PTPN21: variants seen among roughly 807,000 people sequenced by gnomAD.
PTPN21 encodes protein tyrosine phosphatase non-receptor type 21.
In PTPN21, 77 loss-of-function variants were observed where a neutral mutation model predicts 131.8. The observed-to-expected ratio is 0.58, with a 90% CI of 0.49 to 0.71. The LOEUF (loss-of-function observed/expected upper bound fraction) is 0.71, where lower values mean the gene tolerates loss of function less well. PTPN21 is among the 30% of genes least tolerant of loss of function. PTPN21 has a pLI of 0.00. For missense variants in PTPN21, 1,552 were observed against 1,527.1 expected, an observed-to-expected ratio of 1.02 and a Z score of -0.27; for synonymous variants, 715 against 621.3, an observed-to-expected ratio of 1.15 and a Z score of -2.24.
chr14:88,503,211 A>C (rs1214835481), intron 6 of PTPN21, among the ~76,000 whole-genome samples: 1 of 151,764 alleles, frequency 6.6e-6, no homozygotes, highest in Non-Finnish European at 1.5e-5. Context: ...AATTTTTTGT[A>C]TTTTAGTGGA....
chr14:88,512,168 C>A (rs2078196587), intron 3 of PTPN21: 1 of 152,274 alleles, frequency 6.6e-6, no homozygotes, highest in Non-Finnish European at 1.5e-5. Flanking sequence ...GCCCCCTCCA[C>A]CGCCAGTGTT....
At chr14:88,545,365 C>T (rs183476545) in intron 2 of PTPN21, among the ~76,000 whole-genome samples, 225 of 152,276 alleles carry the variant, frequency 1.5e-3, no homozygotes, top group Admixed American at 2.9e-3. Flanking sequence ...ATCAGGTCTT[C>T]CCATGACATG....
intron 2 of PTPN21, among the ~76,000 whole-genome samples, chr14:88,536,730 T>C (rs932889008): frequency 1.3e-5 from 2 of 152,222 alleles, no homozygotes; most frequent in African/African-American, 4.8e-5. Context: ...CACTGATGCA[T>C]TGGGTTGATA....
intron 1 of PTPN21, chr14:88,551,141 G>C (rs1426880883): frequency 6.6e-6 from 1 of 152,202 alleles, no homozygotes; most frequent in African/African-American, 2.4e-5. Context: ...ACCCGGTGAG[G>C]TGCCTAACAA....
chr14:88,539,578 T>C (rs1566851605), intron 2 of PTPN21, among the ~76,000 whole-genome samples: 2 of 152,040 alleles, frequency 1.3e-5, no homozygotes, highest in Non-Finnish European at 2.9e-5. Context: ...TTAAAGTAAA[T>C]AGACAATATC....
Position 88,467,536 on chromosome 14 carries a change from T to C in PTPN21, c.*601A>G, listed in dbSNP as rs765033067. The C allele has an allele frequency of 3.3e-5, 5 of 152,254 alleles. No homozygotes were observed. The highest frequency in any genetic ancestry group is 5.9e-5 in the Non-Finnish European group (4 of 68,070). 9.4% of individuals were successfully genotyped at this position (152,254 alleles called of 1,614,324 possible). On this transcript the variant is annotated 3_prime_UTR_variant, in exon 19 of 19. Transcript: ENST00000556564. The stretch of plus-strand genomic sequence containing the variant: ...AAAAATGTTCTGGATAGAAAAATCC[T>C]TTTGATGTTTCAAAATAACACAGAT...
At chr14:88,544,355 AAAG>A (rs1252960785) in intron 2 of PTPN21, among the ~76,000 whole-genome samples, 1 of 151,562 alleles carries the variant, frequency 6.6e-6, no homozygotes, top group African/African-American at 2.4e-5. Flanking sequence ...CACCAAAAAA[AAAG>A]AAAAGAAAAG....
chr14:88,491,977 T>G (rs1466833728), intron 10 of PTPN21, among the ~76,000 whole-genome samples: 1 of 151,670 alleles, frequency 6.6e-6, no homozygotes, highest in Non-Finnish European at 1.5e-5. Flanking sequence ...AATCAATCAT[T>G]TGTTGCTTTT....
chr14:88,485,821 C>A lies in PTPN21; in HGVS notation c.954G>T (p.Val318=), dbSNP rs2077723325. 6.2e-7 allele frequency: 1 copy of A among 1,608,478 alleles called. No homozygotes were observed. Among genetic ancestry groups the A allele is most frequent in the Non-Finnish European group, 8.5e-7 (1 of 1,175,470 alleles). Reference sequence around the variant, plus strand: ...AAGAAGACCTCCTCCTGATTGGGTTCACTGTGACAGTCTGAGTTTGCCTAT... The same window carrying A: ...AAGAAGACCTCCTCCTGATTGGGTTAACTGTGACAGTCTGAGTTTGCCTAT... ...QCNLQTQTVT[V]NPIRRRSSSR... The change falls in exon 11 of 19, where the codon GTG becomes GTT. Residue 318 remains valine, a synonymous_variant. Transcript: ENST00000556564.
intron 13 of PTPN21, among the ~76,000 whole-genome samples, chr14:88,475,093 A>G (rs941458019): frequency 6.7e-6 from 1 of 149,506 alleles, no homozygotes; most frequent in African/African-American, 2.5e-5. Context: ...TCCGTCTCCA[A>G]AAAAAAAAAG....
At position 88,479,098 on chromosome 14, in the gene PTPN21, C is replaced by A. The variant is rs1038080661; in HGVS notation, c.2333G>T (p.Arg778Leu). 6.3e-7 allele frequency: 1 copy of A among 1,576,568 alleles called. No homozygotes were observed. Residue 778 changes from arginine (R) to leucine (L), a missense_variant, in exon 13 of 19, where the codon CGC becomes CTC. Physicochemically the swap from Arg to Leu is moderately radical, Grantham distance 102 (BLOSUM62 -2). Coordinates refer to ENST00000556564, the MANE Select transcript of PTPN21 (RefSeq NM_007039.4). ...EKRMMDSSPV[R>L]TTAEAQRPWR... ...GGGCCGCTGGGCCTCTGCGGTCGTGCGGACGGGGCTGCTGTCCATCATCCT... is the reference window on the plus strand; with the variant it reads ...GGGCCGCTGGGCCTCTGCGGTCGTGAGGACGGGGCTGCTGTCCATCATCCT...
chr14:88,479,987 C>A lies in PTPN21; in HGVS notation c.1444G>T (p.Ala482Ser). ...ACCAGCGCCGCGGGCCTGCTGTAGG[C>A]GTACGAGCTGCCGATGTTGAGGTTT... ...LRNLNIGSSYAYSRPAALVYS... is the reference protein window; with the variant it reads ...LRNLNIGSSYSYSRPAALVYS... Residue 482 changes from alanine to serine, a missense_variant, in exon 13 of 19, where the codon GCC (alanine) becomes TCC (serine). By Grantham distance (99) the Ala-to-Ser change is moderately conservative. Transcript: ENST00000556564. 6.2e-7 allele frequency: 1 copy of A among 1,611,480 alleles called. No homozygotes were observed. Among genetic ancestry groups the A allele is most frequent in the Non-Finnish European group, 8.5e-7 (1 of 1,180,026 alleles).
chr14:88,490,093 C>T (rs1378822774), intron 10 of PTPN21, among the ~76,000 whole-genome samples: 3 of 151,706 alleles, frequency 2.0e-5, no homozygotes, highest in Non-Finnish European at 4.4e-5. Flanking sequence ...ACTGCAACCT[C>T]CACCTCCCAG....
intron 2 of PTPN21, among the ~76,000 whole-genome samples, chr14:88,544,886 G>T (rs1243680862): frequency 6.6e-6 from 1 of 151,922 alleles, no homozygotes; most frequent in Non-Finnish European, 1.5e-5. Context: ...GGAGTACAGT[G>T]GCGCAGTCTC....
At position 88,468,946 on chromosome 14, in the gene PTPN21, C is replaced by T; in HGVS notation, c.3366G>A (p.Glu1122=). 2 of 1,614,166 alleles carry T rather than the reference C, an allele frequency of 1.2e-6. No homozygotes were observed. The highest frequency in any genetic ancestry group is 2.2e-5 in the East Asian group (1 of 44,884). The change falls in exon 18 of 19, where the codon GAG becomes GAA. Residue 1122 remains glutamate (E), a synonymous_variant. Transcript: ENST00000556564. ...TGTGTTCCAGGCAGGCGATCATGAT[C>T]TCCGACAAAATCACCACGCCAGTCC... ...VGRTGVVILS[E]IMIACLEHNE...
At chr14:88,474,566 G>A (rs560359159) in intron 13 of PTPN21, among the ~76,000 whole-genome samples, 6 of 151,990 alleles carry the variant, frequency 3.9e-5, no homozygotes, top group Non-Finnish European at 8.8e-5. Context: ...CCCTTTGTGT[G>A]TTAAGCCCCC....
intron 10 of PTPN21, among the ~76,000 whole-genome samples, chr14:88,495,656 A>C (rs562925946): frequency 5.3e-5 from 8 of 152,334 alleles, no homozygotes; most frequent in African/African-American, 1.7e-4. Flanking sequence ...CCTCAGGACC[A>C]AACCAGCAAA....
intron 10 of PTPN21, among the ~76,000 whole-genome samples, chr14:88,493,564 G>A (rs1305091780): frequency 6.6e-6 from 1 of 152,188 alleles, no homozygotes; most frequent in Admixed American, 6.5e-5. Context: ...CACATGCTCA[G>A]ATTTGTTCCT....
Position 88,479,249 on chromosome 14 carries a change from G to A in PTPN21, c.2182C>T (p.Pro728Ser), listed in dbSNP as rs1221405874. The change falls in exon 13 of 19, where the codon CCT (proline) becomes TCT (serine). Residue 728 changes from proline to serine, a missense_variant. This residue lies in a region of PTPN21 where 1,016 missense variants were observed against 883.5 expected (regional missense o/e 1.15). Coordinates refer to ENST00000556564, the MANE Select transcript of PTPN21 (RefSeq NM_007039.4). Reference protein sequence around the residue: ...DFEEESGARAPPARAREPRPG... With the variant: ...DFEEESGARASPARAREPRPG... The stretch of plus-strand genomic sequence containing the variant: ...CGAGGCTCGCGCGCACGTGCAGGAG[G>A]CGCCCGGGCCCCGCTCTCCTCCTCG... The A allele has an allele frequency of 1.9e-6, 3 of 1,610,698 alleles. No individual in the cohort carries two copies. The highest frequency in any genetic ancestry group is 2.5e-6 in the Non-Finnish European group (3 of 1,178,600).
Sources: allele counts gnomAD v4.1 joint callset (sites outside exome capture counted in the v4.1 genomes callset), GRCh38; gene constraint gnomAD v4.1.1; regional missense constraint gnomAD v4.1.1; transcripts MANE v1.5; gene names NCBI Gene and HGNC (gene_info 2026-07-23, HGNC 2026-07-21).